KSR2: variants seen among roughly 807,000 people sequenced by gnomAD.
KSR2 encodes the protein kinase suppressor of ras 2.
Under a neutral mutation model 107.8 loss-of-function variants are expected in KSR2, and 25 were observed. The observed-to-expected ratio is 0.23, with a 90% CI of 0.17 to 0.32. The LOEUF (loss-of-function observed/expected upper bound fraction) is 0.32, where lower values mean the gene tolerates loss of function less well. Among genes scored for constraint, KSR2 ranks in the 10% least tolerant of loss-of-function variants. KSR2 has a pLI of 1.00. For missense variants in KSR2, 887 were observed against 1,268.9 expected, an observed-to-expected ratio of 0.70 and a Z score of 4.57; for synonymous variants, 480 against 507.0, an observed-to-expected ratio of 0.95 and a Z score of 0.71.
chr12:117,454,730 A>G lies in KSR2; in HGVS notation c.*12469T>C, dbSNP rs1220851248. 1 of 152,192 alleles carries G rather than the reference A, an allele frequency of 6.6e-6. No homozygotes were observed. The highest frequency in any genetic ancestry group is 1.5e-5 in the Non-Finnish European group (1 of 68,050). The allele number at this position is 152,192 out of a possible 1,614,324, so 9.4% of individuals were successfully genotyped here. ...ACCTCAACACTTCAGGGGCCTATTC[A>G]TAGAGTGATATGAACTGTCCCAGAA... On this transcript the variant is annotated 3_prime_UTR_variant, in exon 20 of 20. Transcript: ENST00000339824.
At chr12:117,733,982 A>C (rs1406126492) in intron 4 of KSR2, among the ~76,000 whole-genome samples, 1 of 152,008 alleles carries the variant, frequency 6.6e-6, no homozygotes, top group African/African-American at 2.4e-5. Flanking sequence ...GCTATTGATG[A>C]ATGTCAAGAG....
At chr12:117,542,297 T>G (rs548924005) in intron 9 of KSR2, among the ~76,000 whole-genome samples, 1 of 152,322 alleles carries the variant, frequency 6.6e-6, no homozygotes, top group African/African-American at 2.4e-5. Context: ...AGAGGTGCTT[T>G]GTCATCAATA....
chr12:117,880,440 C>T (rs562715381), intron 1 of KSR2, among the ~76,000 whole-genome samples: 41 of 152,108 alleles, frequency 2.7e-4, no homozygotes, highest in Non-Finnish European at 2.4e-4. Context: ...TAGCAGATCT[C>T]CTGGGAAAAA....
At chr12:117,942,126 G>A (rs181075314) in intron 1 of KSR2, among the ~76,000 whole-genome samples, 3 of 152,254 alleles carry the variant, frequency 2.0e-5, no homozygotes, top group Admixed American at 6.5e-5. Flanking sequence ...TGGGGTTCGT[G>A]TGCTATTTTA....
chr12:117,951,080 T>C (rs566598388), intron 1 of KSR2, among the ~76,000 whole-genome samples: 1 of 152,088 alleles, frequency 6.6e-6, no homozygotes, highest in African/African-American at 2.4e-5. Flanking sequence ...GCTAATTTTT[T>C]TGTATTTTTA....
intron 5 of KSR2, among the ~76,000 whole-genome samples, chr12:117,589,248 G>T (rs1880179475): frequency 6.6e-6 from 1 of 152,136 alleles, no homozygotes; most frequent in South Asian, 2.1e-4. Flanking sequence ...GATAAATAAG[G>T]AGCTACTCTA....
intron 1 of KSR2, among the ~76,000 whole-genome samples, chr12:117,958,067 A>G (rs944695238): frequency 6.6e-6 from 1 of 152,150 alleles, no homozygotes; most frequent in Non-Finnish European, 1.5e-5. Flanking sequence ...TCCTGGCCTC[A>G]AGTGATCTGC....
At position 117,525,097 on chromosome 12, in the gene KSR2, C is replaced by T. The variant is rs1483947853; in HGVS notation, c.1974G>A (p.Glu658=). 1 of 1,614,036 alleles carries T rather than the reference C, an allele frequency of 6.2e-7. No individual in the cohort carries two copies. Among genetic ancestry groups the T allele is most frequent in the Non-Finnish European group, 8.5e-7 (1 of 1,179,890 alleles). Residue 658 remains glutamate, a synonymous_variant, in exon 14 of 20, where the codon GAG becomes GAA. Coordinates refer to ENST00000339824, the MANE Select transcript of KSR2 (RefSeq NM_173598.6). ...KASQTSIFLQ[E]WDIPFEQLEI... is the part of the protein sequence containing the mutation. ...CCAGCTGCTCAAAGGGGATGTCCCA[C>T]TCCTGAAGGAAGATGCTGGTCTGGC...
intron 1 of KSR2, among the ~76,000 whole-genome samples, chr12:117,946,739 T>A (rs11068756): frequency 6.6e-6 from 1 of 151,852 alleles, no homozygotes; most frequent in South Asian, 2.1e-4. Flanking sequence ...ACTAACAAAT[T>A]AAATCTAACA....
intron 5 of KSR2, among the ~76,000 whole-genome samples, chr12:117,623,619 C>T (rs1882311932): frequency 6.6e-6 from 1 of 152,214 alleles, no homozygotes; most frequent in African/African-American, 2.4e-5. Flanking sequence ...TTGCTTAATC[C>T]AGTCTATCAT....
chr12:117,658,497 G>A (rs1231631577), intron 5 of KSR2, among the ~76,000 whole-genome samples: 1 of 152,138 alleles, frequency 6.6e-6, no homozygotes, highest in African/African-American at 2.4e-5. Context: ...ATTTGTTTTG[G>A]TATTGTCTCT....
chr12:117,884,470 G>T lies in KSR2; in HGVS notation c.181-24039C>A, dbSNP rs540549134. 3.9e-5 allele frequency among the ~76,000 whole-genome samples: 6 copies of T among 152,276 alleles called. No individual in the cohort carries two copies. The East Asian group carries it at 1.2e-3, about 29-fold the overall frequency. ...TAGAACTGAACACAGTCTTCTGAAAGGGAAATTTCTAAAGTTCTCTTGCTT... is the reference window on the plus strand; with the variant it reads ...TAGAACTGAACACAGTCTTCTGAAATGGAAATTTCTAAAGTTCTCTTGCTT... On this transcript the variant is annotated intron_variant, in intron 1 of 19. Transcript: ENST00000339824.
chr12:117,517,869 A>G, intron 14 of KSR2: 1 of 456,036 alleles, frequency 2.2e-6, no homozygotes, highest in Non-Finnish European at 4.4e-6. Context: ...AGAAACAAAA[A>G]TTAGAAAGAC....
chr12:117,853,241 A>T (rs1398500343), intron 3 of KSR2, among the ~76,000 whole-genome samples: 1 of 152,236 alleles, frequency 6.6e-6, no homozygotes, highest in Non-Finnish European at 1.5e-5. Flanking sequence ...GGATATTTCC[A>T]AAAATAGGAG....
At chr12:117,815,280 C>A (rs141903321) in intron 3 of KSR2, among the ~76,000 whole-genome samples, 55 of 152,138 alleles carry the variant, frequency 3.6e-4, no homozygotes, top group Middle Eastern at 6.8e-3. Flanking sequence ...CAATGGGAGA[C>A]CAGTTGGATC....
At chr12:117,863,807 C>T (rs1893388310) in intron 1 of KSR2, among the ~76,000 whole-genome samples, 1 of 152,130 alleles carries the variant, frequency 6.6e-6, no homozygotes, top group African/African-American at 2.4e-5. Context: ...TTTCGGTGAT[C>T]AGAGGCCGCC....
intron 3 of KSR2, among the ~76,000 whole-genome samples, chr12:117,807,448 A>G (rs1253755722): frequency 6.6e-6 from 1 of 152,238 alleles, no homozygotes. Context: ...AACAGGTTCT[A>G]TGGGAAAGAG....
intron 1 of KSR2, among the ~76,000 whole-genome samples, chr12:117,896,273 C>T (rs963362875): frequency 2.0e-5 from 3 of 152,076 alleles, no homozygotes; most frequent in African/African-American, 7.2e-5. Flanking sequence ...AAGCCAGACA[C>T]AAAAGGCCAC....
chr12:117,657,853 T>G (rs1322608857), intron 5 of KSR2, among the ~76,000 whole-genome samples: 26 of 152,210 alleles, frequency 1.7e-4, no homozygotes, highest in Admixed American at 1.7e-3. Context: ...AAGACTGACG[T>G]AGTCACTGCC....
Sources: gnomAD v4.1 joint callset for allele counts (sites outside exome capture counted in the v4.1 genomes callset) on GRCh38, gnomAD v4.1.1 for gene constraint, MANE v1.5 for transcripts, NCBI Gene and HGNC (gene_info 2026-07-23, HGNC 2026-07-21) for gene names.